The following AREL1 variants were observed in gnomAD, a reference collection of about 807,000 sequenced individuals.
AREL1 encodes the protein apoptosis resistant E3 ubiquitin protein ligase 1, also known as apoptosis-resistant E3 ubiquitin protein ligase 1.
AREL1 carries 62 observed loss-of-function variants against 99.0 expected under a neutral mutation model. The ratio of observed to expected loss-of-function variants is 0.63; its 90% CI spans 0.51 to 0.77. The LOEUF is 0.77. Among genes scored for constraint, AREL1 ranks in the 30% least tolerant of loss-of-function variants. The pLI is 0.00. For synonymous variants in AREL1, 380 were observed against 376.5 expected (o/e 1.01, Z -0.11); for missense variants, 879 against 1,027.6 (o/e 0.86, Z 1.98).
chr14:74,668,035 T>C (rs1205547721), intron 15 of AREL1, among the ~76,000 whole-genome samples: 1 of 152,204 alleles, frequency 6.6e-6, no homozygotes, highest in Non-Finnish European at 1.5e-5. Context: ...CACACATTCT[T>C]TTATCTCTAA....
intron 17 of AREL1, 159 bp from the exon 18 acceptor site, chr14:74,665,084 A>C: frequency 1.8e-6 from 1 of 541,374 alleles, no homozygotes; most frequent in South Asian, 2.1e-5. Flanking sequence ...CTTTAGGAAA[A>C]TCAATTACAT....
Position 74,684,556 on chromosome 14 carries a change from A to G in AREL1, c.141T>C (p.Tyr47=). The G allele has an allele frequency of 6.2e-7, 1 of 1,614,186 alleles. No homozygotes were observed. The highest frequency in any genetic ancestry group is 1.1e-5 in the South Asian group (1 of 91,082). ...CCAGGTAATTTCCCCGCACGTAGTC[A>G]TAAATAGTCCGGTCCCCTCGGCGCT... ...DRERRGDRTI[Y]DYVRGNYLDP... Residue 47 remains tyrosine, a synonymous_variant, in exon 4 of 20, where the codon TAT becomes TAC. Coordinates refer to ENST00000356357, the MANE Select transcript of AREL1 (RefSeq NM_001039479.2).
Position 74,712,864 on chromosome 14 carries a change from CCT to C in AREL1, c.-334+67_-334+68del, listed in dbSNP as rs112381920. On this transcript the variant is annotated intron_variant, in intron 1 of 19. Transcript: ENST00000356357. Reference sequence around the variant, plus strand: ...TCTGAACCCCCCTACCCTTTTCCTCCCTCTCTCTCTGGAACTCTGGTAAAGGC... The same window carrying C: ...TCTGAACCCCCCTACCCTTTTCCTCCCTCTCTCTGGAACTCTGGTAAAGGC... 1,066 of 496,942 alleles carry C rather than the reference CCT, an allele frequency of 2.1e-3. 8 individuals carry two copies. The highest frequency in any genetic ancestry group is 0.015 in the African/African-American group (797 of 51,630). The allele number at this position is 496,942 out of a possible 1,614,324, so 30.8% of individuals were successfully genotyped here.
chr14:74,709,052 A>G (rs1258732118), intron 1 of AREL1, among the ~76,000 whole-genome samples: 2 of 152,280 alleles, frequency 1.3e-5, no homozygotes, highest in African/African-American at 4.8e-5. Flanking sequence ...ACATTAGTGA[A>G]GGCTAAGCAT....
chr14:74,704,978 C>T (rs185779862), intron 1 of AREL1, among the ~76,000 whole-genome samples: 92 of 152,012 alleles, frequency 6.1e-4, no homozygotes, highest in Middle Eastern at 3.4e-3. Context: ...AGTTTTATTC[C>T]CCTTGTTTCT....
At chr14:74,673,992 T>C (rs776777301) in intron 9 of AREL1, 42 bp downstream of exon 9, 1 of 1,518,412 alleles carries the variant, frequency 6.6e-7, no homozygotes, top group South Asian at 1.1e-5. Context: ...AGTCCAGAGA[T>C]GAAGCATGCT....
intron 11 of AREL1, among the ~76,000 whole-genome samples, chr14:74,671,817 A>T (rs1433652643): frequency 6.6e-6 from 1 of 152,240 alleles, no homozygotes; most frequent in Non-Finnish European, 1.5e-5. Context: ...GACTCAAGTC[A>T]GTAAGCTGTA....
chr14:74,681,030 C>G (rs573397845), intron 5 of AREL1, among the ~76,000 whole-genome samples: 1 of 152,054 alleles, frequency 6.6e-6, no homozygotes, highest in East Asian at 1.9e-4. Context: ...AACAAAAAAT[C>G]AAAAAATTAA....
chr14:74,664,662 T>G (rs1439397525), intron 18 of AREL1, among the ~76,000 whole-genome samples, 174 bp downstream of exon 18: 2 of 147,826 alleles, frequency 1.4e-5, no homozygotes, highest in Admixed American at 1.4e-4. Flanking sequence ...GCTTTCACCA[T>G]GTGGCCAGGC....
chr14:74,670,830 T>G lies in AREL1; in HGVS notation c.1540A>C (p.Ile514Leu). ...GTGGTATCAAATAGTGCTTTGCAGA[T>G]TAGCTCAAACCATTCCCGGCGAGGC... ...GGPRREWFEL[I>L]CKALFDTTNQ... is the part of the protein sequence containing the mutation. The change falls in exon 13 of 20, where the codon ATC becomes CTC. Residue 514 changes from isoleucine (I) to leucine (L), a missense_variant. By Grantham distance (5) the Ile-to-Leu change is conservative. Transcript: ENST00000356357. The G allele has an allele frequency of 6.2e-7, 1 of 1,614,184 alleles. No individual in the cohort carries two copies. The highest frequency in any genetic ancestry group is 2.2e-5 in the East Asian group (1 of 44,878).
chr14:74,676,517 T>C (rs1167223683), intron 6 of AREL1, 66 bp downstream of exon 6: 1 of 1,535,310 alleles, frequency 6.5e-7, no homozygotes, highest in Non-Finnish European at 8.9e-7. Context: ...GTGAATTAGG[T>C]GTGAGAATAA....
rs115302452 is a variant in AREL1, at chr14:74,672,716, T to C, written c.1422+115A>G. ...CACCTCTGCACCCCAGCCTGGGCAA[T>C]AGAGTGAGACCCTATCTCCCAAACA... On this transcript the variant is annotated intron_variant, in intron 11 of 19. Coordinates refer to ENST00000356357, the MANE Select transcript of AREL1 (RefSeq NM_001039479.2). The C allele has an allele frequency of 3.2e-3, 4,610 of 1,431,778 alleles. 92 individuals carry two copies. In the African/African-American group the frequency reaches 0.048, roughly 15 times the overall value. 88.7% of individuals were successfully genotyped at this position (1,431,778 alleles called of 1,614,324 possible).
chr14:74,685,419 T>C (rs968028357), intron 3 of AREL1, among the ~76,000 whole-genome samples, 181 bp downstream of exon 3: 1 of 152,202 alleles, frequency 6.6e-6, no homozygotes, highest in Admixed American at 6.5e-5. Flanking sequence ...TGGCATTGAC[T>C]ATAATTGCTC....
rs374847908 is a variant in AREL1, at chr14:74,672,840, C to G, written c.1413G>C (p.Leu471Phe). 6.2e-7 allele frequency: 1 copy of G among 1,614,162 alleles called. No individual in the cohort carries two copies. The highest frequency in any genetic ancestry group is 8.5e-7 in the Non-Finnish European group (1 of 1,180,014). ...KVTLKVSRHALLESSLKATRN... is the reference protein window; with the variant it reads ...KVTLKVSRHAFLESSLKATRN... ...ATGAAATTTTACCTACCGATTCCAA[C>G]AAGGCATGTCTGCTGACCTTCAGGG... Residue 471 changes from leucine to phenylalanine, a missense_variant, in exon 11 of 20, where the codon TTG becomes TTC. Leu to Phe is a conservative substitution (Grantham distance 22). Coordinates refer to ENST00000356357, the MANE Select transcript of AREL1 (RefSeq NM_001039479.2).
chr14:74,699,251 T>A (rs2090033795), intron 1 of AREL1, among the ~76,000 whole-genome samples: 1 of 152,124 alleles, frequency 6.6e-6, no homozygotes, highest in South Asian at 2.1e-4. Flanking sequence ...CTGTGTGGGT[T>A]TTCTCTGGAT....
chr14:74,687,658 T>C (rs1199982217), intron 2 of AREL1, among the ~76,000 whole-genome samples: 3 of 152,168 alleles, frequency 2.0e-5, no homozygotes, highest in East Asian at 3.8e-4. Context: ...CCAGTTTCCT[T>C]ATATGTACCT....
Position 74,662,955 on chromosome 14 carries a change from T to A in AREL1, c.*765A>T, listed in dbSNP as rs906667901. ...TCCAAGCCAGCCATATGCCTAGGCA[T>A]GCCCCACTCTGGAGGCTACAGCTCA... On this transcript the variant is annotated 3_prime_UTR_variant, in exon 20 of 20. Transcript: ENST00000356357. The A allele has an allele frequency of 4.9e-5, 12 of 244,106 alleles. No homozygotes were observed. The highest frequency in any genetic ancestry group is 8.9e-5 in the African/African-American group (4 of 44,998). 15.1% of individuals were successfully genotyped at this position (244,106 alleles called of 1,614,324 possible).
chr14:74,684,309 ACT>A, intron 4 of AREL1, 143 bp downstream of exon 4: 1 of 672,054 alleles, frequency 1.5e-6, no homozygotes, highest in Non-Finnish European at 2.5e-6. Flanking sequence ...GAAATTTGTG[ACT>A]CTTCAGATAG....
chr14:74,673,660 C>G (rs974982576), intron 9 of AREL1, among the ~76,000 whole-genome samples: 3 of 152,160 alleles, frequency 2.0e-5, no homozygotes, highest in Non-Finnish European at 4.4e-5. Context: ...AAGTTAACAA[C>G]AAACAAACAA....
Sources: allele counts gnomAD v4.1 joint callset (sites outside exome capture counted in the v4.1 genomes callset), GRCh38; gene constraint gnomAD v4.1.1; transcripts MANE v1.5; gene names NCBI Gene and HGNC (gene_info 2026-07-23, HGNC 2026-07-21).